Variants in KLHL32 observed in about 807,000 individuals in gnomAD.
The protein encoded by KLHL32 is kelch-like protein 32.
A neutral mutation model predicts 64.8 loss-of-function variants in KLHL32; 35 were observed. That is an observed-to-expected ratio of 0.54 (90% CI 0.41 to 0.72). The LOEUF (loss-of-function observed/expected upper bound fraction) is 0.72, where lower values mean the gene tolerates loss of function less well. Ranked by LOEUF, KLHL32 falls within the 30% of genes least tolerant of loss-of-function variation. The pLI, the probability that KLHL32 is intolerant of heterozygous loss-of-function variation, is 0.00. For synonymous variants in KLHL32, 259 were observed against 281.0 expected (o/e 0.92, Z 0.78); for missense variants, 589 against 768.5 (o/e 0.77, Z 2.76).
chr6:97,031,704 G>A (rs968874785), intron 3 of KLHL32, among the ~76,000 whole-genome samples: 2 of 152,140 alleles, frequency 1.3e-5, no homozygotes, highest in African/African-American at 4.8e-5. Flanking sequence ...AGAAGTGGTG[G>A]TGATGATTTT....
intron 6 of KLHL32, among the ~76,000 whole-genome samples, chr6:97,104,862 G>T (rs1023581641): frequency 2.6e-5 from 4 of 152,130 alleles, no homozygotes; most frequent in Non-Finnish European, 5.9e-5. Flanking sequence ...TGGGAAAGTT[G>T]TCTTTTTGAA....
chr6:96,972,721 A>T (rs2064023357), intron 2 of KLHL32, among the ~76,000 whole-genome samples: 1 of 152,202 alleles, frequency 6.6e-6, no homozygotes, highest in African/African-American at 2.4e-5. Flanking sequence ...AAATTGAGGG[A>T]CATTGCTCTA....
chr6:97,133,044 A>C (rs1799615931), intron 10 of KLHL32, among the ~76,000 whole-genome samples: 2 of 152,234 alleles, frequency 1.3e-5, no homozygotes. Context: ...AAAAATTCTA[A>C]AAATCTTTGG....
Position 97,108,893 on chromosome 6 carries a change from A to T in KLHL32, c.628-4890A>T, listed in dbSNP as rs529512153. Reference sequence around the variant, plus strand: ...CTTCACTGGATTTATACCTGCTTAAATTTAAAAAACAGAGTGAATTTCCTC... The same window carrying T: ...CTTCACTGGATTTATACCTGCTTAATTTTAAAAAACAGAGTGAATTTCCTC... On this transcript the variant is annotated intron_variant, in intron 6 of 10. Transcript: ENST00000369261. Among the ~76,000 whole-genome samples the T allele has an allele frequency of 1.5e-4, 22 of 151,564 alleles. No homozygotes were observed. The South Asian group carries it at 4.4e-3, about 30-fold the overall frequency.
chr6:96,966,085 T>C (rs938999177), intron 1 of KLHL32, among the ~76,000 whole-genome samples: 1 of 152,178 alleles, frequency 6.6e-6, no homozygotes, highest in Non-Finnish European at 1.5e-5. Flanking sequence ...TCATCAGAAA[T>C]AGGCACAGCT....
chr6:97,134,282 A>G (rs372964003), intron 10 of KLHL32, among the ~76,000 whole-genome samples: 2 of 152,210 alleles, frequency 1.3e-5, no homozygotes, highest in Non-Finnish European at 2.9e-5. Flanking sequence ...CCACACACAC[A>G]TGAAGAGCCA....
intron 1 of KLHL32, among the ~76,000 whole-genome samples, chr6:96,943,112 A>G (rs1449301761): frequency 6.6e-6 from 1 of 151,880 alleles, no homozygotes; most frequent in Non-Finnish European, 1.5e-5. Context: ...ATATACACAT[A>G]TACACATACC....
At chr6:97,055,359 A>T (rs1016140577) in intron 4 of KLHL32, among the ~76,000 whole-genome samples, 14 of 152,302 alleles carry the variant, frequency 9.2e-5, no homozygotes, top group Middle Eastern at 3.4e-3. Context: ...TGGGAGGGGT[A>T]TCCCTGAACT....
chr6:97,035,586 A>G (rs547010929), intron 3 of KLHL32, among the ~76,000 whole-genome samples: 1 of 152,086 alleles, frequency 6.6e-6, no homozygotes, highest in African/African-American at 2.4e-5. Flanking sequence ...TTATTTTTAA[A>G]GGATAGTTTT....
chr6:96,973,600 A>G (rs1775343609), intron 2 of KLHL32, among the ~76,000 whole-genome samples: 1 of 152,082 alleles, frequency 6.6e-6, no homozygotes, highest in Admixed American at 6.5e-5. Flanking sequence ...CTGCTGTGTC[A>G]TGTTGTTCTG....
chr6:96,968,147 A>G (rs1303427529), intron 2 of KLHL32, among the ~76,000 whole-genome samples: 1 of 152,202 alleles, frequency 6.6e-6, no homozygotes, highest in Non-Finnish European at 1.5e-5. Context: ...ACATTGCTGT[A>G]GCAGGTGTAA....
chr6:97,023,015 T>C (rs915829939), intron 3 of KLHL32, among the ~76,000 whole-genome samples: 1 of 152,036 alleles, frequency 6.6e-6, no homozygotes, highest in Non-Finnish European at 1.5e-5. Context: ...CCATCAGATA[T>C]CATGAGAACT....
chr6:96,950,925 A>G lies in KLHL32; in HGVS notation c.-65-16071A>G, dbSNP rs1004391592. On this transcript the variant is annotated intron_variant, in intron 1 of 10. Coordinates refer to ENST00000369261, the MANE Select transcript of KLHL32 (RefSeq NM_052904.4). ...AGTGAGAAAATGCAATTTTGGGGGT[A>G]GACATGTGCATATAGCTGTCATTGA... is the stretch of plus-strand genomic sequence containing the variant. 2.0e-5 allele frequency among the ~76,000 whole-genome samples: 3 copies of G among 152,304 alleles called. No individual in the cohort carries two copies. The South Asian group carries it at 6.2e-4, about 32-fold the overall frequency.
At chr6:96,934,269 T>C (rs894932347) in intron 1 of KLHL32, among the ~76,000 whole-genome samples, 1 of 152,178 alleles carries the variant, frequency 6.6e-6, no homozygotes, top group Non-Finnish European at 1.5e-5. Flanking sequence ...GAATCTGCAT[T>C]AGTATTGAGT....
At chr6:96,950,124 T>A (rs1332855297) in intron 1 of KLHL32, among the ~76,000 whole-genome samples, 1 of 152,080 alleles carries the variant, frequency 6.6e-6, no homozygotes, top group Non-Finnish European at 1.5e-5. Context: ...TTTTGATATC[T>A]CAAAGTTGTT....
chr6:96,961,129 G>T (rs1225560923), intron 1 of KLHL32, among the ~76,000 whole-genome samples: 1 of 152,150 alleles, frequency 6.6e-6, no homozygotes, highest in Admixed American at 6.5e-5. Flanking sequence ...CATATTTGGG[G>T]TTAAAATATT....
chr6:97,111,325 G>C (rs1345300364), intron 6 of KLHL32, among the ~76,000 whole-genome samples: 1 of 152,244 alleles, frequency 6.6e-6, no homozygotes, highest in African/African-American at 2.4e-5. Context: ...CCCTTCTGAT[G>C]TATCCTAGGC....
chr6:96,990,487 G>A (rs1777720253), intron 3 of KLHL32, among the ~76,000 whole-genome samples: 1 of 152,152 alleles, frequency 6.6e-6, no homozygotes. Flanking sequence ...CCCTCTTAGT[G>A]CTCTGAAAGT....
In KLHL32 at chr6:96,983,795, G is replaced by T. The variant is rs144535289; in HGVS notation, c.204+7618G>T. 2.6e-5 allele frequency among the ~76,000 whole-genome samples: 4 copies of T among 151,978 alleles called. No individual in the cohort carries two copies. The South Asian group carries it at 8.3e-4, about 32-fold the overall frequency. ...TTTCTTCTTTATTAGTCTTGCTAGC[G>T]GTCTATCAATTTTGTTGATCTTTTC... On this transcript the variant is annotated intron_variant, in intron 3 of 10. Transcript: ENST00000369261.
Sources: gnomAD v4.1 joint callset for allele counts (sites outside exome capture counted in the v4.1 genomes callset) on GRCh38, gnomAD v4.1.1 for gene constraint, MANE v1.5 for transcripts, NCBI Gene and HGNC (gene_info 2026-07-23, HGNC 2026-07-21) for gene names.